The following TARBP1 variants were observed in gnomAD, a reference collection of about 807,000 sequenced individuals.
The protein encoded by TARBP1 is tRNA (guanosine(18)-2'-O)-methyltransferase TARBP1.
In TARBP1, 144 loss-of-function variants were observed where a neutral mutation model predicts 178.6. The observed-to-expected ratio is 0.81, with a 90% CI of 0.70 to 0.93. TARBP1 has a LOEUF of 0.93. Among genes scored for constraint, TARBP1 ranks in the 40% least tolerant of loss-of-function variants. The pLI is 0.00. For synonymous variants in TARBP1, 787 were observed against 781.0 expected, an observed-to-expected ratio of 1.01 and a Z score of -0.13; for missense variants, 2,067 against 2,011.7, an observed-to-expected ratio of 1.03 and a Z score of -0.53.
Position 234,478,259 on chromosome 1 carries a change from T to C in TARBP1, c.845A>G (p.Lys282Arg), listed in dbSNP as rs1464353235. The change falls in exon 1 of 30, where the codon AAG (lysine) becomes AGG (arginine). Residue 282 changes from lysine to arginine, a missense_variant. Physicochemically the swap from Lys to Arg is conservative, Grantham distance 26. Transcript: ENST00000040877. ...GLGQADALTR[K>R]RARYLLQRAV... ...CCTCTGCAGCAGGTAGCGCGCTCGC[T>C]TGCGCGTCAGGGCGTCCGCCTGGCC... 1.2e-6 allele frequency: 2 copies of C among 1,606,268 alleles called. No individual in the cohort carries two copies. The highest frequency in any genetic ancestry group is 1.7e-6 in the Non-Finnish European group (2 of 1,177,700).
intron 12 of TARBP1, among the ~76,000 whole-genome samples, chr1:234,443,741 T>C (rs902135811): frequency 1.3e-5 from 2 of 152,312 alleles, no homozygotes; most frequent in Middle Eastern, 3.4e-3. Context: ...CCAATTATAA[T>C]CTAGCCAAAC....
intron 14 of TARBP1, among the ~76,000 whole-genome samples, 195 bp from the exon 15 acceptor site, chr1:234,430,496 A>G (rs1390781431): frequency 1.3e-5 from 2 of 152,198 alleles, no homozygotes; most frequent in Non-Finnish European, 2.9e-5. Context: ...GGCAGTGAAC[A>G]ATTTTAAAGT....
At chr1:234,395,423 A>C (rs908942126) in intron 26 of TARBP1, among the ~76,000 whole-genome samples, 1 of 152,208 alleles carries the variant, frequency 6.6e-6, no homozygotes. Flanking sequence ...AAGAGGGGCT[A>C]AAGAAGAGGA....
At position 234,479,015 on chromosome 1, in the gene TARBP1, G is replaced by T; in HGVS notation, c.89C>A (p.Ala30Glu). ...LGALCQGEAS[A>E]ERVETLRFLL... is the part of the protein sequence containing the mutation. Reference sequence around the variant, plus strand: ...GAAGCGCAGCGTCTCCACGCGCTCCGCGGATGCCTCCCCTTGGCACAGCGC... The same window carrying T: ...GAAGCGCAGCGTCTCCACGCGCTCCTCGGATGCCTCCCCTTGGCACAGCGC... The change falls in exon 1 of 30, where the codon GCG becomes GAG. Residue 30 changes from alanine (A) to glutamate (E), a missense_variant. Ala to Glu is a moderately radical substitution (Grantham distance 107, BLOSUM62 -1). Transcript: ENST00000040877. 2 of 1,520,754 alleles carry T rather than the reference G, an allele frequency of 1.3e-6. No individual in the cohort carries two copies. Among genetic ancestry groups the T allele is most frequent in the Non-Finnish European group, 1.7e-6 (2 of 1,146,472 alleles). The allele number at this position is 1,520,754 out of a possible 1,614,324, so 94.2% of individuals were successfully genotyped here. A position where few individuals can be genotyped will look rare whatever the true frequency, so the allele number is the denominator to read the frequency against.
intron 13 of TARBP1, among the ~76,000 whole-genome samples, chr1:234,435,283 C>G (rs1300375490): frequency 6.6e-6 from 1 of 152,060 alleles, no homozygotes; most frequent in Non-Finnish European, 1.5e-5. Flanking sequence ...AACTCCGTCT[C>G]TACTAAAAAT....
intron 6 of TARBP1, among the ~76,000 whole-genome samples, chr1:234,463,320 C>T (rs184969964): frequency 6.6e-4 from 101 of 152,216 alleles, no homozygotes; most frequent in African/African-American, 2.2e-3. Context: ...GACAGAGTTT[C>T]GCTGTGTTGG....
intron 6 of TARBP1, among the ~76,000 whole-genome samples, chr1:234,463,568 A>G (rs544411483): frequency 2.2e-4 from 33 of 152,298 alleles, no homozygotes; most frequent in African/African-American, 6.0e-4. Flanking sequence ...AATAGTAGAC[A>G]ATTAGAAACG....
intron 26 of TARBP1, among the ~76,000 whole-genome samples, chr1:234,396,745 C>A (rs1177831455): frequency 6.6e-6 from 1 of 151,918 alleles, no homozygotes; most frequent in African/African-American, 2.4e-5. Flanking sequence ...AAGGGTGGTT[C>A]CAGACCCATA....
In TARBP1 at chr1:234,392,545, G is replaced by A. The variant is rs780279336; in HGVS notation, c.4568C>T (p.Pro1523Leu). The A allele has an allele frequency of 4.2e-5, 67 of 1,613,424 alleles. No individual in the cohort carries two copies. Among genetic ancestry groups the A allele is most frequent in the Non-Finnish European group, 5.3e-5 (63 of 1,179,766 alleles). ...CTGCAGATAATCAATTAGCTGAGGTGGTTTTACCTGAATATTAGTTTAAAA... is the reference window on the plus strand; with the variant it reads ...CTGCAGATAATCAATTAGCTGAGGTAGTTTTACCTGAATATTAGTTTAAAA... ...EQWLPLVEVK[P>L]PQLIDYLQQK... Residue 1523 changes from proline (P) to leucine (L), a missense_variant, in exon 29 of 30, where the codon CCA (proline) becomes CTA (leucine). Coordinates refer to ENST00000040877, the MANE Select transcript of TARBP1 (RefSeq NM_005646.4).
Position 234,460,280 on chromosome 1 carries a change from C to G in TARBP1, c.1516G>C (p.Asp506His). 1.2e-6 allele frequency: 2 copies of G among 1,614,026 alleles called. No homozygotes were observed. The part of the protein sequence containing the change: ...NVPRHKALGI[D>H]GLLALRDVIH... The stretch of plus-strand genomic sequence containing the variant: ...AATTACCTGAGAGCAAGAAGCCCAT[C>G]TATACCCAGGGCCTTATGTCTTGGG... The change falls in exon 7 of 30, where the codon GAT becomes CAT. Residue 506 changes from aspartate to histidine, a missense_variant. By Grantham distance (81) the Asp-to-His change is moderately conservative. Coordinates refer to ENST00000040877, the MANE Select transcript of TARBP1 (RefSeq NM_005646.4).
At chr1:234,446,662 T>TATAATTTCTTAATATATAATTAA in intron 12 of TARBP1, 141 bp downstream of exon 12, 1 of 321,044 alleles carries the variant, frequency 3.1e-6, no homozygotes. Flanking sequence ...TATATAATTA[T>TATAATTTCTTAATATATAATTAA]ATAATTTCTT....
chr1:234,463,578 G>GA (rs1668126471), intron 6 of TARBP1, among the ~76,000 whole-genome samples: 1 of 152,052 alleles, frequency 6.6e-6, no homozygotes. Flanking sequence ...AATTAGAAAC[G>GA]ATGGCTAAAC....
Position 234,470,202 on chromosome 1 carries a change from G to A in TARBP1, c.1099+986C>T, listed in dbSNP as rs1485157817. ...AAATTGCCTGAACCCGGGAAGCAGA[G>A]GTTGCAGTGAGCCGAGATCATCCCA... is the stretch of plus-strand genomic sequence containing the variant. On this transcript the variant is annotated intron_variant, in intron 3 of 29. Transcript: ENST00000040877. Among the ~76,000 whole-genome samples, 10 of 152,082 alleles carry A rather than the reference G, an allele frequency of 6.6e-5. 1 individual carries two copies. Among genetic ancestry groups the A allele is most frequent in the African/African-American group, 2.4e-4 (10 of 41,412 alleles).
intron 12 of TARBP1, among the ~76,000 whole-genome samples, chr1:234,438,597 G>A (rs1477930894): frequency 6.6e-6 from 1 of 152,162 alleles, no homozygotes; most frequent in Non-Finnish European, 1.5e-5. Context: ...GAACAACGGA[G>A]AGAAAACTGG....
In TARBP1 at chr1:234,479,037, G is replaced by A. The variant is rs1294680462; in HGVS notation, c.67C>T (p.Leu23=). The change falls in exon 1 of 30, where the codon CTG becomes TTG. Residue 23 remains leucine, a synonymous_variant. Coordinates refer to ENST00000040877, the MANE Select transcript of TARBP1 (RefSeq NM_005646.4). ...TCCGCGGATGCCTCCCCTTGGCACAGCGCCCCAAGCAGGGCCCGGGGGTCC... is the reference window on the plus strand; with the variant it reads ...TCCGCGGATGCCTCCCCTTGGCACAACGCCCCAAGCAGGGCCCGGGGGTCC... ...SRDPRALLGA[L]CQGEASAERV... 8 of 1,537,058 alleles carry A rather than the reference G, an allele frequency of 5.2e-6. No homozygotes were observed. The highest frequency in any genetic ancestry group is 2.4e-5 in the South Asian group (2 of 84,322).
At position 234,478,354 on chromosome 1, in the gene TARBP1, G is replaced by A. The variant is rs1165277457; in HGVS notation, c.750C>T (p.Arg250=). Residue 250 remains arginine (R), a synonymous_variant, in exon 1 of 30, where the codon CGC becomes CGT. Transcript: ENST00000040877. ...CGTCCGGGCCCGCCTCGCGCGCGCC[G>A]CGGGCGCGGTCGCCGCCGGGCTCGG... The part of the protein sequence containing the change: ...LLPEPGGDRA[R]GAREAGPDAR... 1.2e-5 allele frequency: 15 copies of A among 1,269,336 alleles called. No individual in the cohort carries two copies. The highest frequency in any genetic ancestry group is 1.5e-5 in the Non-Finnish European group (15 of 1,012,794). 78.6% of individuals were successfully genotyped at this position (1,269,336 alleles called of 1,614,324 possible).
chr1:234,404,024 T>C (rs1322750681), intron 24 of TARBP1, among the ~76,000 whole-genome samples: 1 of 152,220 alleles, frequency 6.6e-6, no homozygotes, highest in Non-Finnish European at 1.5e-5. Flanking sequence ...ATCTCCTACC[T>C]GGTACTGAGA....
intron 6 of TARBP1, among the ~76,000 whole-genome samples, chr1:234,462,084 T>C (rs1019529351): frequency 6.6e-6 from 1 of 152,230 alleles, no homozygotes; most frequent in African/African-American, 2.4e-5. Flanking sequence ...CTGGCCTCAA[T>C]TTTTCTTTCT....
At chr1:234,427,289 G>A in intron 19 of TARBP1, 28 bp downstream of exon 19, 3 of 1,528,816 alleles carry the variant, frequency 2.0e-6, no homozygotes, top group Non-Finnish European at 9.0e-7. Context: ...TCATTTATGT[G>A]AAGACAGAGA....
Sources: gnomAD v4.1 joint callset for allele counts (sites outside exome capture counted in the v4.1 genomes callset) on GRCh38, gnomAD v4.1.1 for gene constraint, MANE v1.5 for transcripts, NCBI Gene and HGNC (gene_info 2026-07-23, HGNC 2026-07-21) for gene names.